LNX1: variants seen among roughly 807,000 people sequenced by gnomAD.
LNX1 encodes ligand of numb-protein X 1.
In LNX1, 54 loss-of-function variants were observed where a neutral mutation model predicts 68.4. The ratio of observed to expected loss-of-function variants is 0.79; its 90% confidence interval spans 0.63 to 0.99. The LOEUF (loss-of-function observed/expected upper bound fraction) is 0.99, where lower values mean the gene tolerates loss of function less well. Among genes scored for constraint, LNX1 ranks in the 50% least tolerant of loss-of-function variants. The pLI, the probability that LNX1 is intolerant of heterozygous loss-of-function variation, is 0.00. For missense variants in LNX1, 906 were observed against 926.4 expected, an observed-to-expected ratio of 0.98 and a Z score of 0.29; for synonymous variants, 336 against 350.0, an observed-to-expected ratio of 0.96 and a Z score of 0.45.
At chr4:53,623,542 A>G (rs1733962680) in intron 1 of LNX1, among the ~76,000 whole-genome samples, 1 of 152,026 alleles carries the variant, frequency 6.6e-6, no homozygotes, top group Admixed American at 6.6e-5. Context: ...ACTCAAGAAC[A>G]ATTCTGATGC....
intron 2 of LNX1, among the ~76,000 whole-genome samples, chr4:53,573,046 T>C (rs1367923130): frequency 2.0e-5 from 3 of 152,216 alleles, no homozygotes; most frequent in Admixed American, 1.3e-4. Flanking sequence ...GGAAATCCTT[T>C]TGAGGCCCAT....
intron 6 of LNX1, among the ~76,000 whole-genome samples, chr4:53,494,332 T>G (rs1165684423): frequency 6.6e-6 from 1 of 152,244 alleles, no homozygotes; most frequent in African/African-American, 2.4e-5. Flanking sequence ...CATGTGGAAC[T>G]GTGGATCCAT....
chr4:53,600,064 A>C (rs1346336926), intron 2 of LNX1, among the ~76,000 whole-genome samples: 1 of 152,066 alleles, frequency 6.6e-6, no homozygotes, highest in Non-Finnish European at 1.5e-5. Context: ...CCCCAATACC[A>C]TATGCTTTTT....
At chr4:53,523,655 AC>A (rs778906297) in intron 2 of LNX1, among the ~76,000 whole-genome samples, 4 of 152,180 alleles carry the variant, frequency 2.6e-5, no homozygotes, top group Admixed American at 1.3e-4. Context: ...TTAGTAGGAG[AC>A]TAGGAGACTA....
At position 53,530,856 on chromosome 4, in the gene LNX1, T is replaced by C. The variant is rs144976944; in HGVS notation, c.381-22629A>G. Among the ~76,000 whole-genome samples the C allele has an allele frequency of 4.6e-3, 694 of 151,958 alleles. 10 individuals are homozygous for C. Among genetic ancestry groups the C allele is most frequent in the African/African-American group, 0.016 (668 of 41,442 alleles). On this transcript the variant is annotated intron_variant, in intron 2 of 10. Coordinates refer to ENST00000263925, the MANE Select transcript of LNX1 (RefSeq NM_001126328.3). ...AAATGCTCCAGAAAAAAGGAGGGGG[T>C]ACAGGGAATTAAAATTGTAAAATGA...
intron 1 of LNX1, among the ~76,000 whole-genome samples, chr4:53,647,316 A>G (rs1486208494): frequency 6.6e-6 from 1 of 152,354 alleles, no homozygotes; most frequent in African/African-American, 2.4e-5. Context: ...AGCATAATGC[A>G]GAGTGTCTCT....
chr4:53,611,152 A>G (rs1733478906), intron 2 of LNX1, among the ~76,000 whole-genome samples: 1 of 152,146 alleles, frequency 6.6e-6, no homozygotes, highest in Non-Finnish European at 1.5e-5. Flanking sequence ...ATTTGATAAA[A>G]TAGGTGGATC....
intron 9 of LNX1, among the ~76,000 whole-genome samples, chr4:53,472,700 CAAA>C (rs1217664886): frequency 0.079 from 8,670 of 109,724 alleles, 446 homozygotes; most frequent in Non-Finnish European, 0.11. Flanking sequence ...AAAAAAAAAA[CAAA>C]AAACAATGGG....
intron 2 of LNX1, among the ~76,000 whole-genome samples, chr4:53,599,793 A>G (rs1403721497): frequency 6.6e-6 from 1 of 152,220 alleles, no homozygotes; most frequent in African/African-American, 2.4e-5. Context: ...GTCACCCGAG[A>G]AAACCTATAC....
intron 2 of LNX1, among the ~76,000 whole-genome samples, chr4:53,569,736 A>C (rs1469764756): frequency 6.8e-6 from 1 of 147,122 alleles, no homozygotes; most frequent in Non-Finnish European, 1.5e-5. Context: ...AACCTACAAA[A>C]TGGGAGAAAA....
intron 9 of LNX1, among the ~76,000 whole-genome samples, chr4:53,470,396 A>G (rs529333750): frequency 6.6e-6 from 1 of 152,320 alleles, no homozygotes; most frequent in African/African-American, 2.4e-5. Flanking sequence ...CTGAATGGGC[A>G]AAAACTGGAA....
intron 1 of LNX1, chr4:53,575,729 G>A (rs1731441906): frequency 2.1e-6 from 3 of 1,458,168 alleles, no homozygotes. Flanking sequence ...TGCTGTGGGG[G>A]CCACAGCTCT....
intron 1 of LNX1, among the ~76,000 whole-genome samples, chr4:53,586,390 C>T (rs1732174862): frequency 6.6e-6 from 1 of 152,212 alleles, no homozygotes. Flanking sequence ...CCCCATCATG[C>T]ATGTGCTATT....
At chr4:53,523,567 G>A (rs1327749408) in intron 2 of LNX1, among the ~76,000 whole-genome samples, 8 of 152,190 alleles carry the variant, frequency 5.3e-5, no homozygotes, top group Admixed American at 1.3e-4. Flanking sequence ...GATTACATGC[G>A]TAAGCCACAG....
chr4:53,492,632 A>C (rs2109456493), intron 6 of LNX1, among the ~76,000 whole-genome samples: 1 of 151,894 alleles, frequency 6.6e-6, no homozygotes, highest in East Asian at 1.9e-4. Flanking sequence ...TGGAAGGCAG[A>C]AGGCCAGCAA....
chr4:53,597,407 A>T (rs564827847), intron 2 of LNX1, among the ~76,000 whole-genome samples: 1 of 152,282 alleles, frequency 6.6e-6, no homozygotes, highest in African/African-American at 2.4e-5. Flanking sequence ...ACCACCTGCC[A>T]GCCCCCATGC....
chr4:53,552,942 A>G (rs1729620623), intron 2 of LNX1, among the ~76,000 whole-genome samples: 1 of 152,206 alleles, frequency 6.6e-6, no homozygotes, highest in Non-Finnish European at 1.5e-5. Flanking sequence ...TGCATCCTGA[A>G]ACATCTGAGA....
chr4:53,537,686 G>T (rs1197918941), intron 2 of LNX1, among the ~76,000 whole-genome samples: 1 of 152,166 alleles, frequency 6.6e-6, no homozygotes, highest in Non-Finnish European at 1.5e-5. Flanking sequence ...ATGGCCCCGG[G>T]CACCTTCTTT....
intron 1 of LNX1, chr4:53,652,053 G>GAA (rs1735126402): frequency 7.3e-6 from 1 of 136,610 alleles, no homozygotes; most frequent in African/African-American, 3.3e-5. Flanking sequence ...GAGAGAGAGA[G>GAA]AGAGAGAGAC....
Sources: allele counts gnomAD v4.1 joint callset (sites outside exome capture counted in the v4.1 genomes callset), GRCh38; gene constraint gnomAD v4.1.1; transcripts MANE v1.5; gene names NCBI Gene and HGNC (gene_info 2026-07-23, HGNC 2026-07-21).